Variants in PCDH15 observed in about 807,000 individuals in gnomAD.
PCDH15 encodes protocadherin related 15, also known as protocadherin-15.
A neutral mutation model predicts 178.5 loss-of-function variants in PCDH15; 129 were observed. That is an observed-to-expected ratio of 0.72 (90% CI 0.63 to 0.84). The LOEUF (loss-of-function observed/expected upper bound fraction) is 0.84. Among genes scored for constraint, PCDH15 ranks in the 40% least tolerant of loss-of-function variants. The pLI is 0.00. For synonymous variants in PCDH15, 800 were observed against 732.0 expected (o/e 1.09, Z -1.50); for missense variants, 2,230 against 2,099.9 (o/e 1.06, Z -1.21).
chr10:54,037,175 A>G (rs2093435306), intron 18 of PCDH15, among the ~76,000 whole-genome samples: 1 of 152,112 alleles, frequency 6.6e-6, no homozygotes, highest in Admixed American at 6.6e-5. Flanking sequence ...TGCTGTGAAC[A>G]TTGTTGAAAT....
At chr10:54,694,760 C>T (rs917201772) in intron 1 of PCDH15, among the ~76,000 whole-genome samples, 1 of 152,058 alleles carries the variant, frequency 6.6e-6, no homozygotes, top group African/African-American at 2.4e-5. Flanking sequence ...ACTTCAGCTT[C>T]CCTGTTTCCA....
At chr10:54,808,865 CACAT>C (rs978242065) in intron 3 of PCDH15, among the ~76,000 whole-genome samples, 5 of 151,764 alleles carry the variant, frequency 3.3e-5, no homozygotes, top group Non-Finnish European at 5.9e-5. Flanking sequence ...CCTTCCAAGA[CACAT>C]TATATCTTTA....
intron 2 of PCDH15, among the ~76,000 whole-genome samples, chr10:54,610,648 T>C (rs2092931867): frequency 6.6e-6 from 1 of 151,918 alleles, no homozygotes; most frequent in South Asian, 2.1e-4. Flanking sequence ...TCATTATATA[T>C]TTTTGTCTTT....
intron 1 of PCDH15, among the ~76,000 whole-genome samples, chr10:55,177,494 T>C (rs1385056968): frequency 6.6e-6 from 1 of 152,118 alleles, no homozygotes; most frequent in East Asian, 1.9e-4. Flanking sequence ...AGGAGCTTGA[T>C]TTGGTGGCTA....
chr10:54,684,152 G>A (rs1034215036), intron 1 of PCDH15, among the ~76,000 whole-genome samples: 4 of 151,788 alleles, frequency 2.6e-5, no homozygotes, highest in Admixed American at 6.6e-5. Flanking sequence ...TTTAAAAATT[G>A]TCCTTCAGAT....
chr10:54,746,063 G>T (rs1302231989), intron 1 of PCDH15, among the ~76,000 whole-genome samples: 1 of 151,966 alleles, frequency 6.6e-6, no homozygotes, highest in Non-Finnish European at 1.5e-5. Context: ...AATTTGTTAG[G>T]TGATTGAATG....
At chr10:54,437,974 T>G (rs2075534529) in intron 3 of PCDH15, among the ~76,000 whole-genome samples, 1 of 152,210 alleles carries the variant, frequency 6.6e-6, no homozygotes, top group South Asian at 2.1e-4. Flanking sequence ...TCCAGCTATC[T>G]AGCAATTTCC....
intron 3 of PCDH15, among the ~76,000 whole-genome samples, chr10:54,383,109 G>T (rs1024511112): frequency 6.6e-6 from 1 of 151,912 alleles, no homozygotes; most frequent in Non-Finnish European, 1.5e-5. Context: ...ATAGATTTGA[G>T]CATATAAAGG....
chr10:55,072,679 A>G (rs1402410227), intron 2 of PCDH15, among the ~76,000 whole-genome samples: 2 of 152,000 alleles, frequency 1.3e-5, no homozygotes, highest in South Asian at 2.1e-4. Context: ...ACAAGGAGGA[A>G]CTGGTACCAT....
intron 2 of PCDH15, among the ~76,000 whole-genome samples, chr10:55,589,380 T>C (rs1842791443): frequency 1.3e-5 from 2 of 152,178 alleles, no homozygotes; most frequent in South Asian, 4.1e-4. Flanking sequence ...TACGGCGTTA[T>C]TTCTGAGGGC....
At chr10:54,422,301 T>G (rs1460072067) in intron 3 of PCDH15, among the ~76,000 whole-genome samples, 1 of 152,088 alleles carries the variant, frequency 6.6e-6, no homozygotes, top group Non-Finnish European at 1.5e-5. Context: ...TCCTCTATGC[T>G]TCAATTTCCT....
chr10:54,071,917 C>T (rs928824608), intron 17 of PCDH15, among the ~76,000 whole-genome samples: 1 of 152,004 alleles, frequency 6.6e-6, no homozygotes, highest in African/African-American at 2.4e-5. Flanking sequence ...AGAAATGTGT[C>T]TAACGTGTTT....
At chr10:55,031,490 G>C (rs1564732974) in intron 2 of PCDH15, among the ~76,000 whole-genome samples, 1 of 152,168 alleles carries the variant, frequency 6.6e-6, no homozygotes, top group Non-Finnish European at 1.5e-5. Flanking sequence ...CTCATCAAAA[G>C]TCAAAGCCTT....
In PCDH15 at chr10:53,806,748, A is replaced by G. The variant is rs755487351; in HGVS notation, c.5054T>C (p.Val1685Ala). Residue 1685 changes from valine to alanine, a missense_variant, in exon 38 of 38, where the codon GTG (valine) becomes GCG (alanine). Physicochemically the swap from Val to Ala is moderately conservative, Grantham distance 64. Transcript: ENST00000644397. ...TTTCAGCCTGTTCCTTAGTGGCTTCACCGCTGTATTGTCAGTCCCCACAGG... is the reference window on the plus strand; with the variant it reads ...TTTCAGCCTGTTCCTTAGTGGCTTCGCCGCTGTATTGTCAGTCCCCACAGG... ...PCPVGTDNTA[V>A]KPLRNRLKST... 9.9e-6 allele frequency: 16 copies of G among 1,613,634 alleles called. No individual in the cohort carries two copies. The Admixed American group carries it at 1.0e-4, about 10-fold the overall frequency.
chr10:54,327,442 T>C (rs546499384), intron 7 of PCDH15, among the ~76,000 whole-genome samples: 63 of 148,930 alleles, frequency 4.2e-4, no homozygotes, highest in African/African-American at 1.5e-3. Flanking sequence ...TCTTATAATA[T>C]ATAATTATAA....
intron 2 of PCDH15, among the ~76,000 whole-genome samples, chr10:55,059,926 C>T (rs999825314): frequency 9.9e-5 from 15 of 151,664 alleles, no homozygotes; most frequent in Non-Finnish European, 2.1e-4. Flanking sequence ...TATCATAAAA[C>T]TGAGGCTAAA....
intron 2 of PCDH15, among the ~76,000 whole-genome samples, chr10:55,016,102 A>ATT (rs1564718213): frequency 0.032 from 1,906 of 59,114 alleles, 35 homozygotes; most frequent in African/African-American, 0.071. Context: ...TTTTTTTAAA[A>ATT]AAAAAAAAAA....
intron 2 of PCDH15, among the ~76,000 whole-genome samples, chr10:55,448,360 G>A (rs1341006760): frequency 6.6e-6 from 1 of 151,792 alleles, no homozygotes; most frequent in African/African-American, 2.4e-5. Flanking sequence ...AATAAATCAA[G>A]ATTCACCTAT....
chr10:54,120,243 C>T (rs928245235), intron 15 of PCDH15, among the ~76,000 whole-genome samples: 1 of 152,112 alleles, frequency 6.6e-6, no homozygotes, highest in African/African-American at 2.4e-5. Context: ...CACTAGAAAG[C>T]CTTCAAAGAA....
Sources: gnomAD v4.1 joint callset for allele counts (sites outside exome capture counted in the v4.1 genomes callset) on GRCh38, gnomAD v4.1.1 for gene constraint, MANE v1.5 for transcripts, NCBI Gene and HGNC (gene_info 2026-07-23, HGNC 2026-07-21) for gene names.